Variants in CARD6 observed in about 807,000 individuals in gnomAD.
CARD6 encodes caspase recruitment domain-containing protein 6.
In CARD6, 27 loss-of-function variants were observed where a neutral mutation model predicts 23.6. The ratio of observed to expected loss-of-function variants is 1.14; its 90% CI spans 0.84 to 1.58. CARD6 has a LOEUF of 1.58. CARD6 is among the 40% of genes most tolerant of loss of function. CARD6 has a pLI of 0.00. For missense variants in CARD6, 1,214 were observed against 1,209.9 expected (o/e 1.00, Z -0.05); for synonymous variants, 397 against 431.8 (o/e 0.92, Z 1.00).
intron 2 of CARD6, among the ~76,000 whole-genome samples, chr5:40,851,940 A>AAC (rs1434088176): frequency 6.6e-6 from 1 of 151,722 alleles, no homozygotes; most frequent in Non-Finnish European, 1.5e-5. Flanking sequence ...CAGCCTGGGC[A>AAC]ACATAGAAAG....
Position 40,841,483 on chromosome 5 carries a change from C to A in CARD6, c.101C>A (p.Thr34Asn). 6.2e-7 allele frequency: 1 copy of A among 1,613,982 alleles called. No individual in the cohort carries two copies. Residue 34 changes from threonine to asparagine, a missense_variant, in exon 1 of 3, where the codon ACT becomes AAT. Coordinates refer to ENST00000254691, the MANE Select transcript of CARD6 (RefSeq NM_032587.4). The part of the protein sequence containing the change: ...HDPDSILDTL[T>N]SRRLISEEEY... ...CCTGATTCTATCTTAGACACGTTAACTTCTCGGAGGCTGATTTCTGAGGAA... is the reference window on the plus strand; with the variant it reads ...CCTGATTCTATCTTAGACACGTTAAATTCTCGGAGGCTGATTTCTGAGGAA...
rs752068886 is a variant in CARD6, at chr5:40,841,521, CTG to C, written c.140_141del (p.Leu47ArgfsTer34). ...GATTTCTGAGGAAGAGTATGAGACT[CTG>C]GAGAATGTTACAGATCTCCTGAAGA... ...RLISEEEYET[L>X]ENVTDLLKKS... On this transcript the variant is annotated frameshift_variant, in exon 1 of 3. Transcript: ENST00000254691. LOFTEE classifies it high-confidence loss of function. 28 of 1,613,902 alleles carry C rather than the reference CTG, an allele frequency of 1.7e-5. No homozygotes were observed. Among genetic ancestry groups the C allele is most frequent in the Non-Finnish European group, 2.4e-5 (28 of 1,179,986 alleles).
chr5:40,842,804 G>A (rs112964691), intron 1 of CARD6, among the ~76,000 whole-genome samples: 2,276 of 152,254 alleles, frequency 0.015, 16 homozygotes, highest in African/African-American at 0.024. Context: ...TTGGGAGGCC[G>A]GGGCAGATGG....
rs746150629 is a variant in CARD6 at position 40,841,395 on chromosome 5, A to G, written c.13A>G (p.Ser5Gly). The G allele has an allele frequency of 2.5e-6, 4 of 1,600,794 alleles. No individual in the cohort carries two copies. Among genetic ancestry groups the G allele is most frequent in the Non-Finnish European group, 3.4e-6 (4 of 1,175,184 alleles). Residue 5 changes from serine (S) to glycine (G), a missense_variant, in exon 1 of 3, where the codon AGT becomes GGT. By Grantham distance (56) the Ser-to-Gly change is moderately conservative. Coordinates refer to ENST00000254691, the MANE Select transcript of CARD6 (RefSeq NM_032587.4). ...GGAAACAGGAACAATGGCTACCGAGAGTACTCCCTCAGAGATCATAGAAAG... is the reference window on the plus strand; with the variant it reads ...GGAAACAGGAACAATGGCTACCGAGGGTACTCCCTCAGAGATCATAGAAAG... MATESTPSEIIERER... is the reference protein window; with the variant it reads MATEGTPSEIIERER...
rs367990921 is a variant in CARD6, at chr5:40,843,586, G to A, written c.718G>A (p.Gly240Arg). 2 of 1,610,698 alleles carry A rather than the reference G, an allele frequency of 1.2e-6. No individual in the cohort carries two copies. Among genetic ancestry groups the A allele is most frequent in the African/African-American group, 2.7e-5 (2 of 74,612 alleles). The stretch of plus-strand genomic sequence containing the variant: ...GGTTTATGATGACCCAGAGCACGTT[G>A]GATATGATGGTGAAGAGGACTTCGA... ...EEVYDDPEHV[G>R]YDGEEDFENS... The change falls in exon 2 of 3, where the codon GGA becomes AGA. Residue 240 changes from glycine to arginine, a missense_variant. Transcript: ENST00000254691.
Position 40,852,916 on chromosome 5 carries a change from T to C in CARD6, c.1584T>C (p.Ala528=). The part of the protein sequence containing the change: ...KENPFFQKPV[A]LANLRGNLES... The stretch of plus-strand genomic sequence containing the variant: ...ACCCCTTTTTCCAAAAGCCTGTTGC[T>C]CTGGCTAATCTCCGTGGAAATCTAG... Residue 528 remains alanine (A), a synonymous_variant, in exon 3 of 3, where the codon GCT becomes GCC. Transcript: ENST00000254691. The C allele has an allele frequency of 6.2e-7, 1 of 1,614,164 alleles. No individual in the cohort carries two copies. The highest frequency in any genetic ancestry group is 8.5e-7 in the Non-Finnish European group (1 of 1,180,030).
intron 2 of CARD6, among the ~76,000 whole-genome samples, chr5:40,851,035 T>TAA (rs996919965): frequency 6.6e-6 from 1 of 150,986 alleles, no homozygotes; most frequent in Admixed American, 6.6e-5. Flanking sequence ...ATCATTTATG[T>TAA]AAAAAAAAAT....
chr5:40,843,844 C>T, intron 2 of CARD6, 135 bp downstream of exon 2: 1 of 570,730 alleles, frequency 1.8e-6, no homozygotes. Context: ...TTCCTCGTGC[C>T]TCTCTGACCT....
chr5:40,844,783 A>G (rs1229204701), intron 2 of CARD6, among the ~76,000 whole-genome samples: 1 of 152,130 alleles, frequency 6.6e-6, no homozygotes, highest in Non-Finnish European at 1.5e-5. Context: ...TGGCTTAAAC[A>G]ATAAACACAG....
chr5:40,853,316 GA>G lies in CARD6; in HGVS notation c.1988del (p.Asn663ThrfsTer28), dbSNP rs766217989. ...GGGGATTCAGGTAGATGAAGACTTT[GA>G]AAACACTCAGAGAATTCAAGTTTCC... ...ELGIQVDEDFENTQRIQVSSG... is the reference protein window; with the variant it reads ...ELGIQVDEDFXNTQRIQVSSG... On this transcript the variant is annotated frameshift_variant, in exon 3 of 3. Coordinates refer to ENST00000254691, the MANE Select transcript of CARD6 (RefSeq NM_032587.4). LOFTEE classifies it low-confidence loss of function (END_TRUNC). 5.0e-6 allele frequency: 8 copies of G among 1,614,160 alleles called. No individual in the cohort carries two copies. Among genetic ancestry groups the G allele is most frequent in the Non-Finnish European group, 6.8e-6 (8 of 1,180,006 alleles).
At chr5:40,851,905 G>A (rs1746071801) in intron 2 of CARD6, among the ~76,000 whole-genome samples, 1 of 151,752 alleles carries the variant, frequency 6.6e-6, no homozygotes, top group South Asian at 2.1e-4. Flanking sequence ...CACTTTGGGA[G>A]TTTCGCTTGA....
rs764682933 is a variant in CARD6, at chr5:40,843,178, C to T, written c.310C>T (p.Pro104Ser). The T allele has an allele frequency of 2.7e-5, 44 of 1,600,496 alleles. No homozygotes were observed. Among genetic ancestry groups the T allele is most frequent in the Non-Finnish European group, 3.0e-5 (35 of 1,176,542 alleles). Reference protein sequence around the residue: ...HEVLKHENTVPPQSMGASSNS... With the variant: ...HEVLKHENTVSPQSMGASSNS... ...AGTTTTAAAACATGAGAATACAGTACCTCCTCAATCTATGGGGGCAAGCAG... is the reference window on the plus strand; with the variant it reads ...AGTTTTAAAACATGAGAATACAGTATCTCCTCAATCTATGGGGGCAAGCAG... The change falls in exon 2 of 3, where the codon CCT becomes TCT. Residue 104 changes from proline to serine, a missense_variant. By Grantham distance (74) the Pro-to-Ser change is moderately conservative. Coordinates refer to ENST00000254691, the MANE Select transcript of CARD6 (RefSeq NM_032587.4).
Position 40,853,002 on chromosome 5 carries a change from C to T in CARD6, c.1670C>T (p.Thr557Ile), listed in dbSNP as rs761053154. The T allele has an allele frequency of 4.3e-6, 7 of 1,613,886 alleles. No individual in the cohort carries two copies. In the African/African-American group the frequency reaches 8.0e-5, roughly 18 times the overall value. Reference protein sequence around the residue: ...MEVSSAVFFFTDCLGEKEWDL... With the variant: ...MEVSSAVFFFIDCLGEKEWDL... ...GTTTCTTCAGCTGTGTTTTTTTTCACTGACTGTTTAGGTGAGAAGGAATGG... is the reference window on the plus strand; with the variant it reads ...GTTTCTTCAGCTGTGTTTTTTTTCATTGACTGTTTAGGTGAGAAGGAATGG... The change falls in exon 3 of 3, where the codon ACT becomes ATT. Residue 557 changes from threonine (T) to isoleucine (I), a missense_variant. Physicochemically the swap from Thr to Ile is moderately conservative, Grantham distance 89. Coordinates refer to ENST00000254691, the MANE Select transcript of CARD6 (RefSeq NM_032587.4).
At position 40,852,240 on chromosome 5, in the gene CARD6, CA is replaced by C; in HGVS notation, c.909del (p.Asp304IlefsTer8). ...ATGGATAGAAGCAGAAAGGTTCTGC[CA>C]GATTTTGTTAAACAATTCTCCTTAG... is the stretch of plus-strand genomic sequence containing the variant. ...LNMDRSRKVL[P>X]DFVKQFSLDR... On this transcript the variant is annotated frameshift_variant, in exon 3 of 3. Coordinates refer to ENST00000254691, the MANE Select transcript of CARD6 (RefSeq NM_032587.4). LOFTEE classifies it low-confidence loss of function (END_TRUNC). The C allele has an allele frequency of 6.2e-7, 1 of 1,614,066 alleles. No homozygotes were observed. Among genetic ancestry groups the C allele is most frequent in the Non-Finnish European group, 8.5e-7 (1 of 1,179,986 alleles).
chr5:40,852,720 G>A lies in CARD6; in HGVS notation c.1388G>A (p.Cys463Tyr). 6.2e-7 allele frequency: 1 copy of A among 1,613,744 alleles called. No homozygotes were observed. The highest frequency in any genetic ancestry group is 8.5e-7 in the Non-Finnish European group (1 of 1,179,800). Residue 463 changes from cysteine to tyrosine, a missense_variant, in exon 3 of 3, where the codon TGT (cysteine) becomes TAT (tyrosine). By Grantham distance (194) the Cys-to-Tyr change is radical (BLOSUM62 -2). Transcript: ENST00000254691. Reference sequence around the variant, plus strand: ...ATCTCTTTTGTGCGTCTAGGATACTGTAGCTTCTCTAAGTCCAGAATCCTC... The same window carrying A: ...ATCTCTTTTGTGCGTCTAGGATACTATAGCTTCTCTAAGTCCAGAATCCTC... ...PVISFVRLGY[C>Y]SFSKSRILNT...
Position 40,854,333 on chromosome 5 carries a change from C to T in CARD6, c.3001C>T (p.Gln1001Ter). ...TAAGCCAAGCCAGCCCTGGCCTCCC[C>T]AGTCTAAGCCTTCTCAGCCCAGACC... ...QPKPSQPWPP[Q>*]SKPSQPRPPQ... The change falls in exon 3 of 3, where the codon CAG becomes TAG. Residue 1001 changes from glutamine to a stop codon, truncating the protein, a stop_gained. Coordinates refer to ENST00000254691, the MANE Select transcript of CARD6 (RefSeq NM_032587.4). LOFTEE classifies it low-confidence loss of function (END_TRUNC). 2 of 1,614,192 alleles carry T rather than the reference C, an allele frequency of 1.2e-6. No individual in the cohort carries two copies. The highest frequency in any genetic ancestry group is 1.7e-6 in the Non-Finnish European group (2 of 1,180,024).
rs762479090 is a variant in CARD6, at chr5:40,843,533, A to G, written c.665A>G (p.Glu222Gly). ...TATCTAGGATCTGTTGACACCCCTG[A>G]AGATGCAGAAGCCACTGTGGAAGAG... is the stretch of plus-strand genomic sequence containing the variant. ...EEYLGSVDTP[E>G]DAEATVEEEV... Residue 222 changes from glutamate to glycine, a missense_variant, in exon 2 of 3, where the codon GAA (glutamate) becomes GGA (glycine). By Grantham distance (98) the Glu-to-Gly change is moderately conservative. Transcript: ENST00000254691. 6.2e-7 allele frequency: 1 copy of G among 1,608,274 alleles called. No individual in the cohort carries two copies.
chr5:40,841,737 A>G, intron 1 of CARD6, 72 bp downstream of exon 1: 1 of 1,283,292 alleles, frequency 7.8e-7, no homozygotes, highest in Non-Finnish European at 1.1e-6. Context: ...AACAAAATGA[A>G]AGAAAATTGT....
At position 40,843,573 on chromosome 5, in the gene CARD6, C is replaced by T. The variant is rs1430441196; in HGVS notation, c.705C>T (p.Asp235=). ...EATVEEEVYD[D]PEHVGYDGEE... ...CTGTGGAAGAGGAGGTTTATGATGA[C>T]CCAGAGCACGTTGGATATGATGGTG... is the stretch of plus-strand genomic sequence containing the variant. The change falls in exon 2 of 3, where the codon GAC becomes GAT. Residue 235 remains aspartate, a synonymous_variant. Coordinates refer to ENST00000254691, the MANE Select transcript of CARD6 (RefSeq NM_032587.4). 5 of 1,610,798 alleles carry T rather than the reference C, an allele frequency of 3.1e-6. No homozygotes were observed. The highest frequency in any genetic ancestry group is 2.2e-5 in the East Asian group (1 of 44,876).
Sources: allele counts gnomAD v4.1 joint callset (sites outside exome capture counted in the v4.1 genomes callset), GRCh38; gene constraint gnomAD v4.1.1; transcripts MANE v1.5; gene names NCBI Gene and HGNC (gene_info 2026-07-23, HGNC 2026-07-21).